NTNG1: variants seen among roughly 807,000 people sequenced by gnomAD.
The protein encoded by NTNG1 is netrin-G1.
A neutral mutation model predicts 54.0 loss-of-function variants in NTNG1; 16 were observed. The ratio of observed to expected loss-of-function variants is 0.30; its 90% confidence interval spans 0.20 to 0.45. The LOEUF (loss-of-function observed/expected upper bound fraction) is 0.45, where lower values mean the gene tolerates loss of function less well. Among genes scored for constraint, NTNG1 ranks in the 20% least tolerant of loss-of-function variants. The pLI, the probability that NTNG1 is intolerant of heterozygous loss-of-function variation, is 1.00. For missense variants in NTNG1, 530 were observed against 678.7 expected (o/e 0.78, Z 2.43); for synonymous variants, 255 against 263.1 (o/e 0.97, Z 0.30).
chr1:107,195,581 A>G (rs1326703263), intron 2 of NTNG1, among the ~76,000 whole-genome samples: 1 of 151,600 alleles, frequency 6.6e-6, no homozygotes. Context: ...ATCCTTCACT[A>G]TTTCTGACTT....
rs1678742160 is a variant in NTNG1 at position 107,481,998 on chromosome 1, G to C, written c.*1158G>C. Reference sequence around the variant, plus strand: ...CAGGAAGATGGATTGATGTTCACTAGCTTGGACAACTTCTGCAAAATATGA... The same window carrying C: ...CAGGAAGATGGATTGATGTTCACTACCTTGGACAACTTCTGCAAAATATGA... On this transcript the variant is annotated 3_prime_UTR_variant, in exon 8 of 8. Transcript: ENST00000370068. 1 of 138,718 alleles carries C rather than the reference G, an allele frequency of 7.2e-6. No individual in the cohort carries two copies. The highest frequency in any genetic ancestry group is 7.5e-5 in the Admixed American group (1 of 13,266). 8.6% of individuals were successfully genotyped at this position (138,718 alleles called of 1,614,324 possible). A position where few individuals can be genotyped will look rare whatever the true frequency, so the allele number is the denominator to read the frequency against.
At chr1:107,145,520 C>T (rs1378917683) in intron 1 of NTNG1, among the ~76,000 whole-genome samples, 1 of 151,948 alleles carries the variant, frequency 6.6e-6, no homozygotes, top group Non-Finnish European at 1.5e-5. Context: ...ATCTGTAATA[C>T]GCCGTGGTCA....
At position 107,392,962 on chromosome 1, in the gene NTNG1, A is replaced by G. The variant is rs1481653534; in HGVS notation, c.888-2192A>G. ...GAGCCTTGAATGGTTAATAAGCTTT[A>G]GGACAGCTGAGAATGAGCCATTAAT... On this transcript the variant is annotated intron_variant, in intron 3 of 7. Transcript: ENST00000370068. 3.3e-5 allele frequency among the ~76,000 whole-genome samples: 5 copies of G among 152,314 alleles called. No individual in the cohort carries two copies. In the East Asian group the frequency reaches 9.7e-4, roughly 29 times the overall value.
intron 7 of NTNG1, among the ~76,000 whole-genome samples, chr1:107,438,533 AGAG>A (rs1675753158): frequency 1.3e-5 from 2 of 152,130 alleles, no homozygotes; most frequent in Non-Finnish European, 2.9e-5. Context: ...AGTCAGGAGA[AGAG>A]GAGAATAGGC....
chr1:107,367,541 T>C (rs1670670825), intron 3 of NTNG1, among the ~76,000 whole-genome samples: 1 of 152,136 alleles, frequency 6.6e-6, no homozygotes, highest in Non-Finnish European at 1.5e-5. Flanking sequence ...TGCCTGTGGA[T>C]CCCTGTTGCA....
intron 7 of NTNG1, among the ~76,000 whole-genome samples, chr1:107,468,574 G>A (rs1239077349): frequency 6.6e-6 from 1 of 152,094 alleles, no homozygotes; most frequent in Non-Finnish European, 1.5e-5. Flanking sequence ...CCTTTTACTT[G>A]AGTTCTTCTA....
intron 2 of NTNG1, among the ~76,000 whole-genome samples, chr1:107,210,788 C>CATTCA (rs2101377282): frequency 6.6e-6 from 1 of 152,252 alleles, no homozygotes. Context: ...TTTGGCCTCC[C>CATTCA]TGTGCCTCTT....
intron 2 of NTNG1, among the ~76,000 whole-genome samples, chr1:107,238,615 G>A (rs193197022): frequency 3.5e-4 from 54 of 152,182 alleles, no homozygotes; most frequent in Non-Finnish European, 6.0e-4. Context: ...TCTCTCCTGC[G>A]CTGTATCTGT....
At chr1:107,190,938 A>T (rs1657865279) in intron 2 of NTNG1, among the ~76,000 whole-genome samples, 1 of 152,176 alleles carries the variant, frequency 6.6e-6, no homozygotes, top group African/African-American at 2.4e-5. Flanking sequence ...TTGGGTATAT[A>T]CCCAGTAATG....
chr1:107,253,822 C>T (rs1199648708), intron 2 of NTNG1, among the ~76,000 whole-genome samples: 4 of 152,302 alleles, frequency 2.6e-5, no homozygotes, highest in African/African-American at 4.8e-5. Flanking sequence ...ACTTTCCTCT[C>T]GAAATTAGTA....
At chr1:107,176,099 T>C (rs1228028764) in intron 2 of NTNG1, among the ~76,000 whole-genome samples, 4 of 152,134 alleles carry the variant, frequency 2.6e-5, no homozygotes, top group Admixed American at 2.6e-4. Context: ...TGAGTAAAAT[T>C]TCTACTATTG....
intron 2 of NTNG1, among the ~76,000 whole-genome samples, chr1:107,287,976 G>A (rs1665308094): frequency 6.6e-6 from 1 of 152,096 alleles, no homozygotes; most frequent in Non-Finnish European, 1.5e-5. Flanking sequence ...TTTTGAGCAT[G>A]CAAATACATA....
At chr1:107,286,161 T>G (rs1665185599) in intron 2 of NTNG1, among the ~76,000 whole-genome samples, 1 of 152,130 alleles carries the variant, frequency 6.6e-6, no homozygotes, top group Non-Finnish European at 1.5e-5. Flanking sequence ...TAAACTCTAA[T>G]TCCGTAATTA....
At chr1:107,312,515 G>T (rs1455140377) in intron 2 of NTNG1, among the ~76,000 whole-genome samples, 1 of 152,112 alleles carries the variant, frequency 6.6e-6, no homozygotes, top group East Asian at 1.9e-4. Context: ...AAATTACACT[G>T]TAGCTAAGTG....
chr1:107,256,839 T>C (rs1662967063), intron 2 of NTNG1, among the ~76,000 whole-genome samples: 1 of 152,228 alleles, frequency 6.6e-6, no homozygotes, highest in South Asian at 2.1e-4. Flanking sequence ...TTCTGTCCAA[T>C]TAGTATCAAA....
At chr1:107,205,905 C>T (rs1362539771) in intron 2 of NTNG1, among the ~76,000 whole-genome samples, 1 of 152,106 alleles carries the variant, frequency 6.6e-6, no homozygotes, top group African/African-American at 2.4e-5. Flanking sequence ...TGGAATTGTA[C>T]AGTATGTGCT....
chr1:107,257,110 G>A (rs540372864), intron 2 of NTNG1, among the ~76,000 whole-genome samples: 1 of 151,994 alleles, frequency 6.6e-6, no homozygotes, highest in African/African-American at 2.4e-5. Context: ...AAAAAATAAT[G>A]GTAAACAATA....
At chr1:107,480,570 C>CG in intron 7 of NTNG1, 41 bp from the exon 8 acceptor site, 3 of 533,682 alleles carry the variant, frequency 5.6e-6, no homozygotes, top group East Asian at 3.3e-5. Flanking sequence ...TGCTTCTCCT[C>CG]CCCGCGCCCA....
intron 3 of NTNG1, among the ~76,000 whole-genome samples, chr1:107,327,610 C>G (rs1029823023): frequency 1.1e-4 from 16 of 152,152 alleles, no homozygotes; most frequent in African/African-American, 3.9e-4. Flanking sequence ...TGCACCCGCC[C>G]CCACCATCCC....
Sources: allele counts gnomAD v4.1 joint callset (sites outside exome capture counted in the v4.1 genomes callset), GRCh38; gene constraint gnomAD v4.1.1; transcripts MANE v1.5; gene names NCBI Gene and HGNC (gene_info 2026-07-23, HGNC 2026-07-21).